Variants in PCDHA7 observed in about 807,000 individuals in gnomAD.
PCDHA7 encodes the protein protocadherin alpha-7.
A neutral mutation model predicts 57.2 loss-of-function variants in PCDHA7; 37 were observed. That is an observed-to-expected ratio of 0.65 (90% confidence interval 0.50 to 0.85). The LOEUF (loss-of-function observed/expected upper bound fraction) is 0.85. PCDHA7 is among the 40% of genes least tolerant of loss of function. The pLI, the probability that PCDHA7 is intolerant of heterozygous loss-of-function variation, is 0.00. For missense variants in PCDHA7, 1,188 were observed against 1,241.8 expected (o/e 0.96, Z 0.65); for synonymous variants, 553 against 558.8 (o/e 0.99, Z 0.15).
At chr5:140,857,595 T>C in intron 1 of PCDHA7, 2 of 1,595,942 alleles carry the variant, frequency 1.3e-6, no homozygotes, top group Non-Finnish European at 1.7e-6. Context: ...AGCGGCAAGG[T>C]GTACGCGCTG....
chr5:140,872,973 T>C (rs1562677174), intron 1 of PCDHA7, among the ~76,000 whole-genome samples: 1 of 152,212 alleles, frequency 6.6e-6, no homozygotes, highest in African/African-American at 2.4e-5. Flanking sequence ...ATCTGAAGAT[T>C]TGAGCAAAGA....
chr5:140,893,583 T>G (rs535910), intron 1 of PCDHA7, among the ~76,000 whole-genome samples: 7,078 of 152,294 alleles, frequency 0.046, 293 homozygotes, highest in African/African-American at 0.11. Context: ...TTTGCTTGTT[T>G]GGGAAATACT....
intron 1 of PCDHA7, among the ~76,000 whole-genome samples, chr5:140,921,468 C>T (rs886501347): frequency 3.3e-5 from 5 of 152,182 alleles, no homozygotes; most frequent in African/African-American, 1.2e-4. Flanking sequence ...GCAACCACTA[C>T]CAAACCACTC....
At chr5:140,986,511 C>T (rs181646630) in intron 3 of PCDHA7, among the ~76,000 whole-genome samples, 76 of 152,288 alleles carry the variant, frequency 5.0e-4, no homozygotes, top group African/African-American at 1.8e-3. Context: ...AAGGACTGCC[C>T]CTGCCTGTGA....
chr5:140,973,015 A>T (rs1554234824), intron 1 of PCDHA7, among the ~76,000 whole-genome samples: 1 of 152,000 alleles, frequency 6.6e-6, no homozygotes, highest in African/African-American at 2.4e-5. Context: ...TGGTGTTGTG[A>T]TTGTTAATGA....
chr5:140,937,442 A>AAAATATCATTTTAAAATATCATTAT (rs2091531773), intron 1 of PCDHA7, among the ~76,000 whole-genome samples: 1 of 152,160 alleles, frequency 6.6e-6, no homozygotes, highest in Non-Finnish European at 1.5e-5. Context: ...ATGCTATTTT[A>AAAATATCATTTTAAAATATCATTAT]AAAGTTTAAT....
rs2096830713 is a variant in PCDHA7 at position 140,978,969 on chromosome 5, C to G, written c.2376C>G (p.Asp792Glu). 4 of 1,614,092 alleles carry G rather than the reference C, an allele frequency of 2.5e-6. No homozygotes were observed. The highest frequency in any genetic ancestry group is 1.6e-4 in the Middle Eastern group (1 of 6,084). ...TGCAGCCACGACAGCCCAACCCTGACTGGCGTTACTCTGCCTCCCTGAGAG... is the reference window on the plus strand; with the variant it reads ...TGCAGCCACGACAGCCCAACCCTGAGTGGCGTTACTCTGCCTCCCTGAGAG... ...STDNPRQPNP[D>E]WRYSASLRAG... The change falls in exon 2 of 4, where the codon GAC becomes GAG. Residue 792 changes from aspartate (D) to glutamate (E), a missense_variant. Coordinates refer to ENST00000525929, the MANE Select transcript of PCDHA7 (RefSeq NM_018910.3).
In PCDHA7 at chr5:140,987,930, G is replaced by T. The variant is rs554856826; in HGVS notation, c.2503+5367G>T. Among the ~76,000 whole-genome samples, 18 of 152,196 alleles carry T rather than the reference G, an allele frequency of 1.2e-4. No individual in the cohort carries two copies. The South Asian group carries it at 2.1e-3, about 18-fold the overall frequency. Reference sequence around the variant, plus strand: ...GATTTATATTCTTAATTGTCTCAAGGATTCTTACCTGTCTGACAAAACCAA... The same window carrying T: ...GATTTATATTCTTAATTGTCTCAAGTATTCTTACCTGTCTGACAAAACCAA... On this transcript the variant is annotated intron_variant, in intron 3 of 3. Transcript: ENST00000525929.
chr5:140,939,729 G>A (rs1376988004), intron 1 of PCDHA7, among the ~76,000 whole-genome samples: 16 of 152,166 alleles, frequency 1.1e-4, no homozygotes, highest in Admixed American at 1.0e-3. Context: ...ATTGTTGTGT[G>A]TAGCTGTGTA....
In PCDHA7 at chr5:140,870,098, A is replaced by G. The variant is rs181372298; in HGVS notation, c.2355+33360A>G. 3.1e-6 allele frequency: 5 copies of G among 1,613,860 alleles called. No individual in the cohort carries two copies. The East Asian group carries it at 1.1e-4, about 36-fold the overall frequency. On this transcript the variant is annotated intron_variant, in intron 1 of 3. Transcript: ENST00000525929. ...AAGGGGACTCCCCCAATGGCAGGTC[A>G]CTGTACAGTCTGGGTGGAAATCTTG... is the stretch of plus-strand genomic sequence containing the variant.
chr5:140,876,551 A>G (rs781855200), intron 1 of PCDHA7: 1 of 1,614,184 alleles, frequency 6.2e-7, no homozygotes, highest in Admixed American at 1.7e-5. Context: ...CTCCCTGTGC[A>G]AGAGGATGCT....
chr5:140,914,052 G>T (rs1485469381), intron 1 of PCDHA7, among the ~76,000 whole-genome samples: 1 of 152,172 alleles, frequency 6.6e-6, no homozygotes, highest in East Asian at 1.9e-4. Flanking sequence ...TTCTGCAGCT[G>T]TTGGATGAAA....
chr5:141,000,392 T>TATAA (rs2097913276), intron 3 of PCDHA7, among the ~76,000 whole-genome samples: 1 of 62,986 alleles, frequency 1.6e-5, no homozygotes, highest in African/African-American at 7.3e-5. Context: ...TCTCTCTCTC[T>TATAA]CTCTATATAT....
At chr5:140,993,917 A>G (rs779939413) in intron 3 of PCDHA7, among the ~76,000 whole-genome samples, 1 of 152,190 alleles carries the variant, frequency 6.6e-6, no homozygotes, top group Admixed American at 6.5e-5. Flanking sequence ...CTAGTGATGC[A>G]TTTCTCAGAA....
chr5:140,865,517 T>C (rs1562593227), intron 1 of PCDHA7: 1 of 152,232 alleles, frequency 6.6e-6, no homozygotes, highest in African/African-American at 2.4e-5. Context: ...TTTATGGTGC[T>C]GGAATTCTCT....
intron 1 of PCDHA7, chr5:140,870,291 G>A (rs372143455): frequency 3.2e-5 from 52 of 1,614,052 alleles, no homozygotes; most frequent in Non-Finnish European, 3.6e-5. Context: ...CCTTCAAGCT[G>A]GTGTCCACCT....
intron 1 of PCDHA7, among the ~76,000 whole-genome samples, chr5:140,954,013 C>T (rs942687934): frequency 6.6e-6 from 1 of 152,172 alleles, no homozygotes; most frequent in African/African-American, 2.4e-5. Context: ...TCAGCTCCCA[C>T]ACATAGTGGG....
intron 1 of PCDHA7, among the ~76,000 whole-genome samples, chr5:140,920,841 T>TAAAAAAAAA (rs781921146): frequency 9.2e-6 from 1 of 109,226 alleles, no homozygotes; most frequent in Non-Finnish European, 1.9e-5. Context: ...AGACCAAATC[T>TAAAAAAAAA]AAAAAAAAAA....
intron 1 of PCDHA7, chr5:140,929,668 A>G (rs1554207270): frequency 3.1e-6 from 1 of 324,518 alleles, no homozygotes; most frequent in East Asian, 5.3e-5. Flanking sequence ...AAAGTGAAGA[A>G]TGAAAAATAT....
Sources: gnomAD v4.1 joint callset for allele counts (sites outside exome capture counted in the v4.1 genomes callset) on GRCh38, gnomAD v4.1.1 for gene constraint, MANE v1.5 for transcripts, NCBI Gene and HGNC (gene_info 2026-07-23, HGNC 2026-07-21) for gene names.